ARHGAP22: variants seen among roughly 807,000 people sequenced by gnomAD.
ARHGAP22 encodes the protein Rho GTPase activating protein 22, also known as rho GTPase-activating protein 22.
A neutral mutation model predicts 59.1 loss-of-function variants in ARHGAP22; 48 were observed. The ratio of observed to expected loss-of-function variants is 0.81; its 90% confidence interval spans 0.64 to 1.03. The LOEUF (loss-of-function observed/expected upper bound fraction) is 1.03, where lower values mean the gene tolerates loss of function less well. Among genes scored for constraint, ARHGAP22 ranks in the 50% least tolerant of loss-of-function variants. ARHGAP22 has a pLI of 0.00. For missense variants in ARHGAP22, 1,015 were observed against 958.7 expected, an observed-to-expected ratio of 1.06 and a Z score of -0.78; for synonymous variants, 445 against 416.4, an observed-to-expected ratio of 1.07 and a Z score of -0.84.
intron 3 of ARHGAP22, among the ~76,000 whole-genome samples, chr10:48,495,101 T>C (rs2050783325): frequency 1.3e-5 from 2 of 152,228 alleles, no homozygotes; most frequent in African/African-American, 2.4e-5. Flanking sequence ...ACTGCCTGTC[T>C]CTGTGAAAGG....
chr10:48,654,774 C>CTTTCTT (rs1554967770), upstream of ARHGAP22, among the ~76,000 whole-genome samples: 2 of 42,702 alleles, frequency 4.7e-5, no homozygotes, highest in African/African-American at 2.0e-4. Context: ...ATGCTGATTA[C>CTTTCTT]TTTCTTTCTT....
In ARHGAP22 at chr10:48,577,801, G is replaced by GTTTTTTTT. The variant is rs34557935; in HGVS notation, c.234+5144_234+5151dup. ...TCTGAGATCTAACTGCTCTTTTTTG[G>GTTTTTTTT]TTTTTTTTTTTTTTTTTTTTTTTTT... On this transcript the variant is annotated intron_variant, in intron 2 of 9. Coordinates refer to ENST00000249601, the MANE Select transcript of ARHGAP22 (RefSeq NM_021226.4). Among the ~76,000 whole-genome samples the GTTTTTTTT allele has an allele frequency of 3.7e-3, 220 of 59,170 alleles. 38 individuals carry two copies. The highest frequency in any genetic ancestry group is 6.9e-3 in the South Asian group (5 of 724). 38.8% of individuals were successfully genotyped at this position (59,170 alleles called of 152,430 possible).
chr10:48,479,581 T>A (rs746898081), intron 4 of ARHGAP22, 55 bp downstream of exon 4: 43 of 1,613,002 alleles, frequency 2.7e-5, no homozygotes, highest in Admixed American at 1.0e-4. Context: ...GCAGGGGGCA[T>A]GATTACCTGG....
intron 7 of ARHGAP22, 152 bp from the exon 8 acceptor site, chr10:48,453,577 G>A: frequency 8.5e-7 from 1 of 1,181,792 alleles, no homozygotes; most frequent in Non-Finnish European, 1.2e-6. Context: ...CAGGCTCGAT[G>A]AGGGAAGGCT....
In ARHGAP22 at chr10:48,464,026, C is replaced by A. The variant is rs145682040; in HGVS notation, c.452-4135G>T. On this transcript the variant is annotated intron_variant, in intron 4 of 9. Coordinates refer to ENST00000249601, the MANE Select transcript of ARHGAP22 (RefSeq NM_021226.4). ...AGCCATCTCTTGGCTCCAGCCCGGCCTGCTGTCCCATCTCCTACCCCCAAA... is the reference window on the plus strand; with the variant it reads ...AGCCATCTCTTGGCTCCAGCCCGGCATGCTGTCCCATCTCCTACCCCCAAA... 3.0e-3 allele frequency among the ~76,000 whole-genome samples: 455 copies of A among 152,324 alleles called. 2 individuals carry two copies. The highest frequency in any genetic ancestry group is 0.01 in the African/African-American group (431 of 41,566).
At chr10:48,483,708 G>A (rs1490099185) in intron 3 of ARHGAP22, among the ~76,000 whole-genome samples, 3 of 151,866 alleles carry the variant, frequency 2.0e-5, no homozygotes. Context: ...AATGTCTATA[G>A]GATCCTTTGC....
At chr10:48,466,277 C>G (rs941293707) in intron 4 of ARHGAP22, among the ~76,000 whole-genome samples, 2 of 152,078 alleles carry the variant, frequency 1.3e-5, no homozygotes, top group African/African-American at 2.4e-5. Flanking sequence ...GCGCCCCCCC[C>G]CAGACTCTAA....
intron 3 of ARHGAP22, among the ~76,000 whole-genome samples, chr10:48,491,225 C>T (rs907551626): frequency 6.6e-6 from 1 of 152,206 alleles, no homozygotes; most frequent in Non-Finnish European, 1.5e-5. Flanking sequence ...CTCTGGCTCC[C>T]CTCCCCTTTG....
At position 48,459,759 on chromosome 10, in the gene ARHGAP22, C is replaced by G; in HGVS notation, c.584G>C (p.Arg195Pro). 6.2e-7 allele frequency: 1 copy of G among 1,614,058 alleles called. No homozygotes were observed. Among genetic ancestry groups the G allele is most frequent in the Non-Finnish European group, 8.5e-7 (1 of 1,180,036 alleles). ...CACCAGGTTGGCCTGGCCTGGCATG[C>G]GGAACAGCCCCTCCTCAGTGAGCCC... is the stretch of plus-strand genomic sequence containing the variant. ...ERGLTEEGLFRMPGQANLVRD... is the reference protein window; with the variant it reads ...ERGLTEEGLFPMPGQANLVRD... Residue 195 changes from arginine (R) to proline (P), a missense_variant, in exon 5 of 10, where the codon CGC becomes CCC. Arg to Pro is a moderately radical substitution (Grantham distance 103). Coordinates refer to ENST00000249601, the MANE Select transcript of ARHGAP22 (RefSeq NM_021226.4).
chr10:48,592,944 C>T lies in ARHGAP22; in HGVS notation c.35-9792G>A, dbSNP rs186903964. On this transcript the variant is annotated intron_variant, in intron 1 of 9. Transcript: ENST00000249601. Reference sequence around the variant, plus strand: ...TGAAAACCCTGCAGGTTCCTGAGCTCGCTCAGAGCAACAGTCAGATCTGAC... The same window carrying T: ...TGAAAACCCTGCAGGTTCCTGAGCTTGCTCAGAGCAACAGTCAGATCTGAC... Among the ~76,000 whole-genome samples the T allele has an allele frequency of 2.2e-3, 339 of 152,368 alleles. 1 individual carries two copies. Among genetic ancestry groups the T allele is most frequent in the African/African-American group, 7.6e-3 (317 of 41,588 alleles).
chr10:48,560,039 A>G (rs2135380293), intron 2 of ARHGAP22, among the ~76,000 whole-genome samples: 1 of 152,344 alleles, frequency 6.6e-6, no homozygotes, highest in Admixed American at 6.5e-5. Context: ...TCCCTGGAAC[A>G]TGTGAATATG....
intron 1 of ARHGAP22, among the ~76,000 whole-genome samples, chr10:48,584,452 A>G (rs1273733924): frequency 6.6e-6 from 1 of 152,116 alleles, no homozygotes; most frequent in Non-Finnish European, 1.5e-5. Context: ...ATCTCCTCCA[A>G]ATAGTCACTC....
intron 4 of ARHGAP22, among the ~76,000 whole-genome samples, chr10:48,471,100 T>G (rs756862913): frequency 1.3e-5 from 2 of 152,206 alleles, no homozygotes; most frequent in African/African-American, 2.4e-5. Context: ...GGGAGCTGTA[T>G]TTCTCCCTTC....
intron 3 of ARHGAP22, among the ~76,000 whole-genome samples, chr10:48,520,862 C>T (rs2053743242): frequency 6.6e-6 from 1 of 152,108 alleles, no homozygotes; most frequent in South Asian, 2.1e-4. Context: ...GATCTAAGGG[C>T]CTACCAGTCC....
At chr10:48,536,303 T>C (rs572700199) in intron 3 of ARHGAP22, among the ~76,000 whole-genome samples, 4 of 152,262 alleles carry the variant, frequency 2.6e-5, no homozygotes, top group Non-Finnish European at 5.9e-5. Context: ...GGGTTGAGCC[T>C]GTGGAGCTGC....
intron 3 of ARHGAP22, among the ~76,000 whole-genome samples, chr10:48,482,652 T>A (rs545872315): frequency 7.2e-5 from 11 of 152,230 alleles, no homozygotes; most frequent in Non-Finnish European, 1.3e-4. Flanking sequence ...GAGAGGTTTT[T>A]TTTATTGATA....
In ARHGAP22 at chr10:48,487,339, AC is replaced by A. The variant is rs553840000; in HGVS notation, c.323-7576del. 8.5e-5 allele frequency among the ~76,000 whole-genome samples: 13 copies of A among 152,302 alleles called. 1 individual carries two copies. The South Asian group carries it at 2.7e-3, about 32-fold the overall frequency. Reference sequence around the variant, plus strand: ...CTGGAACCTGTGATTAGGTTAGGTTACACAGTGAAGAATTAAGGTTGCAGAT... The same window carrying A: ...CTGGAACCTGTGATTAGGTTAGGTTAACAGTGAAGAATTAAGGTTGCAGAT... On this transcript the variant is annotated intron_variant, in intron 3 of 9. Coordinates refer to ENST00000249601, the MANE Select transcript of ARHGAP22 (RefSeq NM_021226.4).
intron 1 of ARHGAP22, among the ~76,000 whole-genome samples, chr10:48,599,119 A>C (rs2135853267): frequency 6.6e-6 from 1 of 152,342 alleles, no homozygotes; most frequent in South Asian, 2.1e-4. Flanking sequence ...TAGGACTTCA[A>C]GCAGGAAGTT....
At chr10:48,503,570 C>G (rs1211881944) in intron 3 of ARHGAP22, among the ~76,000 whole-genome samples, 2 of 152,246 alleles carry the variant, frequency 1.3e-5, no homozygotes, top group Non-Finnish European at 2.9e-5. Flanking sequence ...TTGTGAAGCT[C>G]CTCTCCCAGC....
Sources: gnomAD v4.1 joint callset for allele counts (sites outside exome capture counted in the v4.1 genomes callset) on GRCh38, gnomAD v4.1.1 for gene constraint, MANE v1.5 for transcripts, NCBI Gene and HGNC (gene_info 2026-07-23, HGNC 2026-07-21) for gene names.